BNC2: variants seen among roughly 807,000 people sequenced by gnomAD.
The protein encoded by BNC2 is basonuclin zinc finger protein 2, also known as zinc finger protein basonuclin-2.
A neutral mutation model predicts 76.3 loss-of-function variants in BNC2; 20 were observed. The observed-to-expected ratio is 0.26, with a 90% CI of 0.18 to 0.38. BNC2 has a LOEUF of 0.38. Ranked by LOEUF, BNC2 falls within the 10% of genes least tolerant of loss-of-function variation. The probability of loss-of-function intolerance (pLI) is 1.00; values close to 1 mark genes in which losing one functional copy is unlikely to be tolerated. For missense variants in BNC2, 1,382 were observed against 1,399.8 expected (o/e 0.99, Z 0.20); for synonymous variants, 582 against 514.8 (o/e 1.13, Z -1.77).
intron 5 of BNC2, among the ~76,000 whole-genome samples, chr9:16,481,612 G>A (rs561801306): frequency 3.3e-5 from 5 of 152,044 alleles, no homozygotes; most frequent in South Asian, 4.2e-4. Context: ...CACCAATTCC[G>A]GACACACCAT....
intron 3 of BNC2, among the ~76,000 whole-genome samples, chr9:16,630,180 T>C (rs1322432135): frequency 3.4e-5 from 5 of 147,644 alleles, no homozygotes; most frequent in Admixed American, 6.6e-5. Flanking sequence ...CTTGAAACAG[T>C]ACACTGATAA....
chr9:16,554,727 G>C (rs1271485128), intron 4 of BNC2, among the ~76,000 whole-genome samples: 1 of 152,002 alleles, frequency 6.6e-6, no homozygotes, highest in Non-Finnish European at 1.5e-5. Flanking sequence ...ACAGAATCCA[G>C]TGACCAGATC....
chr9:16,535,171 G>T (rs1233580918), intron 5 of BNC2, among the ~76,000 whole-genome samples: 2 of 152,156 alleles, frequency 1.3e-5, no homozygotes, highest in Non-Finnish European at 2.9e-5. Context: ...TGGGTTTATT[G>T]TTTATGGCAA....
At chr9:16,697,132 G>A (rs371005407) in intron 3 of BNC2, among the ~76,000 whole-genome samples, 31 of 149,558 alleles carry the variant, frequency 2.1e-4, no homozygotes, top group African/African-American at 6.1e-4. Context: ...AGGCTGAGGC[G>A]GGTGGATCAC....
At chr9:16,618,750 A>T (rs913924715) in intron 3 of BNC2, among the ~76,000 whole-genome samples, 12 of 152,248 alleles carry the variant, frequency 7.9e-5, no homozygotes, top group African/African-American at 2.9e-4. Context: ...TCAGAAAACC[A>T]ATTAATTGTG....
chr9:16,503,784 A>G (rs955076855), intron 5 of BNC2, among the ~76,000 whole-genome samples: 6 of 152,182 alleles, frequency 3.9e-5, no homozygotes, highest in East Asian at 3.8e-4. Context: ...CTACAAATCA[A>G]TAACACCTTT....
chr9:16,648,585 G>A (rs1253036324), intron 3 of BNC2, among the ~76,000 whole-genome samples: 1 of 152,162 alleles, frequency 6.6e-6, no homozygotes, highest in African/African-American at 2.4e-5. Flanking sequence ...AAAGTAATGA[G>A]GACAGAACTT....
At position 16,552,680 on chromosome 9, in the gene BNC2, G is replaced by A. The variant is rs149019822; in HGVS notation, c.519C>T (p.Ser173=). ...CTGCTTGTGTCCCATAGAGCATCAG[G>A]CTGCTGATGTCAAACACGACGTTGG... ...VQSNVVFDIS[S]LMLYGTQAVP... The change falls in exon 5 of 7, where the codon AGC becomes AGT. Residue 173 remains serine (S), a synonymous_variant. Transcript: ENST00000380672. 465 of 1,614,174 alleles carry A rather than the reference G, an allele frequency of 2.9e-4. 2 individuals carry two copies. In the African/African-American group the frequency reaches 4.8e-3, roughly 17 times the overall value.
intron 3 of BNC2, among the ~76,000 whole-genome samples, chr9:16,679,806 G>A (rs914640947): frequency 3.3e-5 from 5 of 152,236 alleles, no homozygotes; most frequent in African/African-American, 1.2e-4. Flanking sequence ...ATCTAAACTC[G>A]GAGGAACTTG....
chr9:16,640,003 T>A (rs1316657304), intron 3 of BNC2, among the ~76,000 whole-genome samples: 1 of 152,112 alleles, frequency 6.6e-6, no homozygotes, highest in African/African-American at 2.4e-5. Flanking sequence ...TTAAGAGTGA[T>A]TTTGATTTTT....
intron 1 of BNC2, among the ~76,000 whole-genome samples, chr9:16,811,500 C>T (rs191279942): frequency 1.5e-5 from 2 of 131,188 alleles, no homozygotes; most frequent in Non-Finnish European, 3.1e-5. Context: ...TGCGGTGAGC[C>T]GAGATCGAGC....
At chr9:16,727,609 C>A (rs986974428) in intron 3 of BNC2, 188 bp downstream of exon 3, 17 of 607,472 alleles carry the variant, frequency 2.8e-5, no homozygotes, top group African/African-American at 2.4e-4. Context: ...TTAAGACGCC[C>A]TTAGGGAAAC....
intron 3 of BNC2, among the ~76,000 whole-genome samples, chr9:16,607,662 T>C (rs1717072269): frequency 6.6e-6 from 1 of 152,216 alleles, no homozygotes; most frequent in African/African-American, 2.4e-5. Context: ...AATGTATTTG[T>C]ATATGCTACA....
chr9:16,476,146 G>A (rs7046884), intron 5 of BNC2: 15,971 of 152,166 alleles, frequency 0.1, 1,096 homozygotes, highest in African/African-American at 0.19. Context: ...CTGAGCCACT[G>A]ACGCCATTCC....
intron 5 of BNC2, among the ~76,000 whole-genome samples, chr9:16,477,958 T>G (rs908005484): frequency 3.3e-5 from 5 of 152,026 alleles, no homozygotes; most frequent in African/African-American, 1.2e-4. Context: ...AACTAAAATT[T>G]CTCCTTAGAA....
intron 3 of BNC2, among the ~76,000 whole-genome samples, chr9:16,647,858 A>G (rs371330375): frequency 1.7e-4 from 26 of 152,314 alleles, no homozygotes; most frequent in African/African-American, 6.0e-4. Context: ...CTTGTGGATT[A>G]GCTAGTCTAT....
At chr9:16,527,412 C>A (rs145512057) in intron 5 of BNC2, among the ~76,000 whole-genome samples, 1 of 152,128 alleles carries the variant, frequency 6.6e-6, no homozygotes, top group Non-Finnish European at 1.5e-5. Context: ...CACTGTTTTG[C>A]GGTCTAAATG....
intron 3 of BNC2, among the ~76,000 whole-genome samples, chr9:16,611,422 C>G (rs1200980592): frequency 6.6e-6 from 1 of 152,090 alleles, no homozygotes; most frequent in Non-Finnish European, 1.5e-5. Flanking sequence ...TTAAATGACA[C>G]ATAAAAATCC....
intron 3 of BNC2, chr9:16,704,680 G>GTTT (rs371928434): frequency 2.3e-5 from 3 of 132,032 alleles, no homozygotes; most frequent in African/African-American, 8.6e-5. Context: ...CAGAGAAATG[G>GTTT]TTTTTTTTTT....
Sources: gnomAD v4.1 joint callset for allele counts (sites outside exome capture counted in the v4.1 genomes callset) on GRCh38, gnomAD v4.1.1 for gene constraint, MANE v1.5 for transcripts, NCBI Gene and HGNC (gene_info 2026-07-23, HGNC 2026-07-21) for gene names.